Variants in SYNE2 observed in about 807,000 individuals in gnomAD.
SYNE2 encodes nesprin-2.
SYNE2 carries 431 observed loss-of-function variants against 856.3 expected under a neutral mutation model. The ratio of observed to expected loss-of-function variants is 0.50; its 90% CI spans 0.47 to 0.55. The LOEUF is 0.55. Ranked by LOEUF, SYNE2 falls within the 20% of genes least tolerant of loss-of-function variation. SYNE2 has a pLI of 0.00. For missense variants in SYNE2, 8,129 were observed against 8,023.2 expected, an observed-to-expected ratio of 1.01 and a Z score of -0.50; for synonymous variants, 2,923 against 2,872.3, an observed-to-expected ratio of 1.02 and a Z score of -0.56.
At chr14:63,811,204 C>T (rs892009478) in intron 1 of SYNE2, among the ~76,000 whole-genome samples, 8 of 152,150 alleles carry the variant, frequency 5.3e-5, no homozygotes, top group African/African-American at 1.2e-4. Context: ...CTGTTCTCCT[C>T]GTAACAAGAC....
intron 31 of SYNE2, among the ~76,000 whole-genome samples, chr14:64,008,899 G>A (rs1462134642): frequency 3.3e-5 from 5 of 152,106 alleles, no homozygotes; most frequent in Non-Finnish European, 7.4e-5. Context: ...ACCTATTTGC[G>A]GGGGTTAATC....
At chr14:64,024,628 A>G (rs1288484737) in intron 39 of SYNE2, among the ~76,000 whole-genome samples, 169 bp downstream of exon 39, 1 of 152,208 alleles carries the variant, frequency 6.6e-6, no homozygotes, top group East Asian at 1.9e-4. Context: ...TTCGGGAAAA[A>G]TCTTCACATT....
At position 64,070,271 on chromosome 14, in the gene SYNE2, A is replaced by G. The variant is rs60250827; in HGVS notation, c.10432-374A>G. Among the ~76,000 whole-genome samples, 835 of 152,326 alleles carry G rather than the reference A, an allele frequency of 5.5e-3. 8 individuals are homozygous for G. Among genetic ancestry groups the G allele is most frequent in the African/African-American group, 0.019 (796 of 41,572 alleles). ...AGAGACCAGCAGAAAAATTTTCCAT[A>G]TCCAATAGTTGCCCAACCTCTTATA... On this transcript the variant is annotated intron_variant, in intron 51 of 115. Coordinates refer to ENST00000555002, the MANE Select transcript of SYNE2 (RefSeq NM_182914.3).
At position 64,088,990 on chromosome 14, in the gene SYNE2, A is replaced by G. The variant is rs191326875; in HGVS notation, c.11671-584A>G. Among the ~76,000 whole-genome samples, 5 of 152,332 alleles carry G rather than the reference A, an allele frequency of 3.3e-5. No homozygotes were observed. The East Asian group carries it at 7.7e-4, about 23-fold the overall frequency. On this transcript the variant is annotated intron_variant, in intron 58 of 115. Transcript: ENST00000555002. ...ATAGTAGGTGCACAGAATAATGTCCATGTAATTTAACTTTTCCTCATAATT... is the reference window on the plus strand; with the variant it reads ...ATAGTAGGTGCACAGAATAATGTCCGTGTAATTTAACTTTTCCTCATAATT...
intron 2 of SYNE2, among the ~76,000 whole-genome samples, chr14:63,913,873 T>TTAATTTTAAATTTTTAAATTTA (rs1566787024): frequency 6.6e-6 from 1 of 151,772 alleles, no homozygotes; most frequent in African/African-American, 2.4e-5. Context: ...TTTTTAAAAT[T>TTAATTTTAAATTTTTAAATTTA]AAAAAAATAT....
chr14:64,190,334 A>C, intron 99 of SYNE2, 97 bp downstream of exon 99: 3 of 1,525,220 alleles, frequency 2.0e-6, no homozygotes, highest in Non-Finnish European at 2.7e-6. Flanking sequence ...TGATCCAGCA[A>C]TTTTATAAGT....
intron 1 of SYNE2, among the ~76,000 whole-genome samples, chr14:63,906,878 A>G (rs1318935641): frequency 6.6e-6 from 1 of 152,204 alleles, no homozygotes; most frequent in Non-Finnish European, 1.5e-5. Flanking sequence ...TCAATGTCTG[A>G]TGAGGGCCTG....
At chr14:64,100,514 C>CAA (rs35489245) in intron 63 of SYNE2, among the ~76,000 whole-genome samples, 366 of 23,698 alleles carry the variant, frequency 0.015, 21 homozygotes, top group Non-Finnish European at 0.017. Flanking sequence ...AAAACTGTCT[C>CAA]AAAAAAAAAA....
chr14:63,880,671 A>ATTTTTTTTTTTTTTTTTTTT (rs35718279), intron 1 of SYNE2, among the ~76,000 whole-genome samples: 1 of 130,092 alleles, frequency 7.7e-6, no homozygotes, highest in Non-Finnish European at 1.7e-5. Flanking sequence ...ATTGTCTTTA[A>ATTTTTTTTTTTTTTTTTTTT]TTTTTTTTTT....
In SYNE2 at chr14:64,139,140, G is replaced by A. The variant is rs1595782290; in HGVS notation, c.14844-801G>A. Among the ~76,000 whole-genome samples, 3 of 151,612 alleles carry A rather than the reference G, an allele frequency of 2.0e-5. No homozygotes were observed. In the East Asian group the frequency reaches 5.8e-4, roughly 29 times the overall value. ...CTGGAACCACAGCACATGCCACCAC[G>A]CCCTGCTAATTTTTGTATTTTTTGT... On this transcript the variant is annotated intron_variant, in intron 79 of 115. Transcript: ENST00000555002.
intron 1 of SYNE2, among the ~76,000 whole-genome samples, chr14:63,884,752 A>G (rs779169546): frequency 6.6e-6 from 1 of 152,130 alleles, no homozygotes; most frequent in Non-Finnish European, 1.5e-5. Flanking sequence ...TGAAGTAGGA[A>G]GGCCCCAGAT....
At chr14:63,794,699 C>T (rs1887856311) in intron 1 of SYNE2, among the ~76,000 whole-genome samples, 1 of 151,942 alleles carries the variant, frequency 6.6e-6, no homozygotes, top group Admixed American at 6.6e-5. Context: ...AAATTACAAC[C>T]ACAATAAAAA....
At chr14:64,147,288 C>T (rs1377306263) in intron 84 of SYNE2, among the ~76,000 whole-genome samples, 1 of 152,204 alleles carries the variant, frequency 6.6e-6, no homozygotes, top group African/African-American at 2.4e-5. Flanking sequence ...TGCTTCCAGC[C>T]CACTTGCCAG....
chr14:64,065,508 G>T lies in SYNE2; in HGVS notation c.10289G>T (p.Arg3430Met). The T allele has an allele frequency of 6.2e-7, 1 of 1,614,094 alleles. No homozygotes were observed. Among genetic ancestry groups the T allele is most frequent in the Non-Finnish European group, 8.5e-7 (1 of 1,180,026 alleles). ...CAGATCCTTAGACTCTTGAGACTCA[G>T]GTGCACAGAAAATGATGGCATATGT... ...LRQILRLLRLRCTENDGICLL... is the reference protein window; with the variant it reads ...LRQILRLLRLMCTENDGICLL... The change falls in exon 51 of 116, where the codon AGG becomes ATG. Residue 3430 changes from arginine (R) to methionine (M), a missense_variant. By Grantham distance (91) the Arg-to-Met change is moderately conservative. Around this residue, in one of 3 missense-constraint regions of SYNE2, gnomAD observed 5,410 missense variants for 5,284.8 expected, o/e 1.02. Coordinates refer to ENST00000555002, the MANE Select transcript of SYNE2 (RefSeq NM_182914.3).
chr14:63,942,294 G>C (rs571366767), intron 6 of SYNE2, 151 bp downstream of exon 6: 7 of 654,696 alleles, frequency 1.1e-5, no homozygotes, highest in South Asian at 8.8e-5. Context: ...AATAATAGCA[G>C]ACTTTTTGCC....
rs537138759 is a variant in SYNE2 at position 64,096,336 on chromosome 14, C to A, written c.12109-1613C>A. Among the ~76,000 whole-genome samples the A allele has an allele frequency of 2.6e-5, 4 of 152,284 alleles. No individual in the cohort carries two copies. The East Asian group carries it at 5.8e-4, about 22-fold the overall frequency. On this transcript the variant is annotated intron_variant, in intron 61 of 115. Transcript: ENST00000555002. ...ATTAGGTGCCGGTAGTTTTACCCAC[C>A]ATTGCTTTCATGCCATCAGTGCAAA...
chr14:64,051,986 G>A lies in SYNE2; in HGVS notation c.8073G>A (p.Lys2691=). ...VLKGQAELQM[K]RIWGEKEKKN... is the part of the protein sequence containing the mutation. ...AGGGGCAAGCTGAACTTCAGATGAA[G>A]AGGATTTGGGGAGAAAAAGAAAAGA... The change falls in exon 48 of 116, where the codon AAG becomes AAA. Residue 2691 remains lysine (K), a synonymous_variant. Transcript: ENST00000555002. 6.2e-7 allele frequency: 1 copy of A among 1,614,028 alleles called. No homozygotes were observed. Among genetic ancestry groups the A allele is most frequent in the Non-Finnish European group, 8.5e-7 (1 of 1,180,040 alleles).
chr14:64,217,968 G>T (rs894115194), intron 108 of SYNE2, among the ~76,000 whole-genome samples: 1 of 152,206 alleles, frequency 6.6e-6, no homozygotes, highest in Non-Finnish European at 1.5e-5. Context: ...TTCTGATTCT[G>T]TGATAATGAT....
chr14:64,178,578 C>T (rs576831715), intron 96 of SYNE2, among the ~76,000 whole-genome samples: 4 of 151,772 alleles, frequency 2.6e-5, no homozygotes, highest in East Asian at 1.9e-4. Flanking sequence ...CTACCTCAGC[C>T]CCCCCGAGTA....
Sources: allele counts gnomAD v4.1 joint callset (sites outside exome capture counted in the v4.1 genomes callset), GRCh38; gene constraint gnomAD v4.1.1; regional missense constraint gnomAD v4.1.1; transcripts MANE v1.5; gene names NCBI Gene and HGNC (gene_info 2026-07-23, HGNC 2026-07-21).